Variants in WWP2 observed in about 807,000 individuals in gnomAD.
The protein encoded by WWP2 is NEDD4-like E3 ubiquitin-protein ligase WWP2.
WWP2 carries 57 observed loss-of-function variants against 121.0 expected under a neutral mutation model. That is an observed-to-expected ratio of 0.47 (90% confidence interval 0.38 to 0.59). WWP2 has a LOEUF of 0.59. Among genes scored for constraint, WWP2 ranks in the 20% least tolerant of loss-of-function variants. The probability of loss-of-function intolerance (pLI) is 0.00; values close to 1 mark genes in which losing one functional copy is unlikely to be tolerated. For synonymous variants in WWP2, 449 were observed against 441.3 expected (o/e 1.02, Z -0.22); for missense variants, 962 against 1,158.9 (o/e 0.83, Z 2.47).
intron 4 of WWP2, among the ~76,000 whole-genome samples, chr16:69,817,294 G>A (rs778782456): frequency 3.2e-4 from 48 of 152,280 alleles, no homozygotes; most frequent in Non-Finnish European, 5.4e-4. Context: ...TGTCACCCAA[G>A]CTGGAGTGCA....
chr16:69,888,833 T>G (rs1233712408), intron 8 of WWP2, among the ~76,000 whole-genome samples: 1 of 152,140 alleles, frequency 6.6e-6, no homozygotes, highest in African/African-American at 2.4e-5. Flanking sequence ...GCCTCCCAAG[T>G]AGCTGGGGCT....
chr16:69,874,859 A>T (rs957905501), intron 7 of WWP2, among the ~76,000 whole-genome samples: 5 of 152,080 alleles, frequency 3.3e-5, no homozygotes, highest in Non-Finnish European at 7.4e-5. Flanking sequence ...TTTCTCATTT[A>T]TAAAATTAGG....
intron 10 of WWP2, among the ~76,000 whole-genome samples, chr16:69,919,446 T>A (rs1346847371): frequency 6.6e-6 from 1 of 152,142 alleles, no homozygotes. Context: ...GGATTGCAGG[T>A]GTGAACCACC....
At chr16:69,811,936 TTC>T in intron 4 of WWP2, among the ~76,000 whole-genome samples, 1 of 152,294 alleles carries the variant, frequency 6.6e-6, no homozygotes, top group East Asian at 1.9e-4. Context: ...ATGTGTCTGG[TTC>T]CTAAAGGAGA....
intron 1 of WWP2, among the ~76,000 whole-genome samples, chr16:69,778,655 C>T (rs4985527): frequency 0.86 from 131,088 of 151,988 alleles, 56,776 homozygotes; most frequent in Admixed American, 0.92. Context: ...ACGGTTATTT[C>T]TCTTGAGACA....
chr16:69,894,638 G>A (rs1031796887), intron 8 of WWP2, among the ~76,000 whole-genome samples: 9 of 152,332 alleles, frequency 5.9e-5, no homozygotes, highest in African/African-American at 1.9e-4. Context: ...GGGGTGCCAG[G>A]AAGGTTTGAA....
chr16:69,846,070 A>AAAAAAAAG (rs58504050), intron 6 of WWP2, among the ~76,000 whole-genome samples: 1 of 149,650 alleles, frequency 6.7e-6, no homozygotes, highest in African/African-American at 2.5e-5. Flanking sequence ...AAAAAAAAAA[A>AAAAAAAAG]GAATACTTAT....
chr16:69,853,343 A>G (rs375618808), intron 6 of WWP2, among the ~76,000 whole-genome samples: 5 of 152,288 alleles, frequency 3.3e-5, no homozygotes, highest in African/African-American at 9.6e-5. Flanking sequence ...CCAAGAAACT[A>G]CTGTGCCCTT....
At chr16:69,899,688 C>T (rs951637396) in intron 8 of WWP2, among the ~76,000 whole-genome samples, 6 of 130,570 alleles carry the variant, frequency 4.6e-5, no homozygotes, top group African/African-American at 1.8e-4. Context: ...GATTGTACCA[C>T]TGCACTCCAG....
At chr16:69,839,406 G>T (rs2151869672) in intron 4 of WWP2, among the ~76,000 whole-genome samples, 1 of 152,276 alleles carries the variant, frequency 6.6e-6, no homozygotes, top group Admixed American at 6.5e-5. Context: ...TGTGTATGCA[G>T]CAGTTTCTAG....
At chr16:69,916,862 G>A (rs1350643421) in intron 9 of WWP2, among the ~76,000 whole-genome samples, 1 of 151,948 alleles carries the variant, frequency 6.6e-6, no homozygotes, top group African/African-American at 2.4e-5. Context: ...GAGGCCTTGA[G>A]TTTAAAAAAA....
Position 69,799,016 on chromosome 16 carries a change from G to T in WWP2, c.219-158G>T, listed in dbSNP as rs2056107540. The T allele has an allele frequency of 7.4e-7, 1 of 1,344,082 alleles. No individual in the cohort carries two copies. Among genetic ancestry groups the T allele is most frequent in the South Asian group, 1.4e-5 (1 of 70,222 alleles). The allele number at this position is 1,344,082 out of a possible 1,614,324, so 83.3% of individuals were successfully genotyped here. ...ATAGAGCGTTCATTATTATCTAGAG[G>T]GTTACAGGGTCAGCTTTGAGAGGGG... On this transcript the variant is annotated intron_variant, in intron 3 of 23. Coordinates refer to ENST00000359154, the MANE Select transcript of WWP2 (RefSeq NM_001270454.2). This position sits in a 1 kb window ranked among gnomAD's most constrained non-coding sequence, Gnocchi z 4.5.
chr16:69,831,827 C>CTTTT (rs548609220), intron 4 of WWP2, among the ~76,000 whole-genome samples: 15 of 109,060 alleles, frequency 1.4e-4, no homozygotes, highest in African/African-American at 2.6e-4. Flanking sequence ...AAAACAAAAC[C>CTTTT]TTTTTTTTTT....
rs2058693232 is a variant in WWP2 at position 69,930,246 on chromosome 16, G to A, written c.1433G>A (p.Gly478Glu). The change falls in exon 13 of 24, where the codon GGG (glycine) becomes GAG (glutamate). Residue 478 changes from glycine to glutamate, a missense_variant. Transcript: ENST00000359154. ...ACCACCTTTAAGGATCCTCGCCCGG[G>A]GTTTGAGTCGGGGTAAGGACTTTGT... ...RTTTFKDPRP[G>E]FESGTKQGSP... 5 of 1,613,890 alleles carry A rather than the reference G, an allele frequency of 3.1e-6. No individual in the cohort carries two copies. The highest frequency in any genetic ancestry group is 4.2e-6 in the Non-Finnish European group (5 of 1,179,886).
intron 1 of WWP2, among the ~76,000 whole-genome samples, chr16:69,772,195 G>A (rs1016513880): frequency 1.8e-4 from 27 of 151,942 alleles, no homozygotes; most frequent in Admixed American, 7.9e-4. Context: ...TCCCGAACTT[G>A]GGTGATCCGC....
intron 4 of WWP2, among the ~76,000 whole-genome samples, chr16:69,808,069 CA>C (rs1157541846): frequency 3.3e-5 from 5 of 152,216 alleles, no homozygotes; most frequent in African/African-American, 9.6e-5. Context: ...CTAGCATCCC[CA>C]GAAGTTTCCC....
At chr16:69,785,222 A>ACT (rs10668229) in intron 1 of WWP2, among the ~76,000 whole-genome samples, 127,339 of 147,466 alleles carry the variant, frequency 0.86, 55,262 homozygotes, top group Admixed American at 0.92. Flanking sequence ...GGTGTGTGAG[A>ACT]CTGTCTCAAA....
chr16:69,932,753 TA>T (rs1177390410), intron 16 of WWP2, among the ~76,000 whole-genome samples: 1 of 152,168 alleles, frequency 6.6e-6, no homozygotes, highest in African/African-American at 2.4e-5. Flanking sequence ...TATGTCACCC[TA>T]AAAAGAGTCC....
At chr16:69,894,477 G>A (rs1023335899) in intron 8 of WWP2, among the ~76,000 whole-genome samples, 2 of 152,180 alleles carry the variant, frequency 1.3e-5, no homozygotes, top group African/African-American at 4.8e-5. Flanking sequence ...TGAAACCTGG[G>A]CTGAAGATGT....
Sources: allele counts gnomAD v4.1 joint callset (sites outside exome capture counted in the v4.1 genomes callset), GRCh38; gene constraint gnomAD v4.1.1; non-coding constraint Gnocchi (gnomAD v3.1); transcripts MANE v1.5; gene names NCBI Gene and HGNC (gene_info 2026-07-23, HGNC 2026-07-21).